DCC: variants seen among roughly 807,000 people sequenced by gnomAD.
DCC encodes netrin receptor DCC.
In DCC, 58 loss-of-function variants were observed where a neutral mutation model predicts 172.5. That is an observed-to-expected ratio of 0.34 (90% CI 0.27 to 0.42). The LOEUF is 0.42. DCC is among the 10% of genes least tolerant of loss of function. DCC has a pLI of 1.00. For missense variants in DCC, 1,740 were observed against 1,791.0 expected, an observed-to-expected ratio of 0.97 and a Z score of 0.51; for synonymous variants, 709 against 644.5, an observed-to-expected ratio of 1.10 and a Z score of -1.52.
intron 5 of DCC, among the ~76,000 whole-genome samples, chr18:53,056,983 A>C (rs895134310): frequency 2.6e-5 from 4 of 151,194 alleles, no homozygotes; most frequent in African/African-American, 9.7e-5. Flanking sequence ...AGAGAATACT[A>C]TATATATTAC....
intron 9 of DCC, among the ~76,000 whole-genome samples, chr18:53,198,558 G>A (rs149360151): frequency 3.2e-4 from 49 of 151,852 alleles, no homozygotes; most frequent in Middle Eastern, 6.8e-3. Context: ...TTTATATGCC[G>A]TTTATTGGGT....
intron 1 of DCC, among the ~76,000 whole-genome samples, chr18:52,674,479 T>C (rs932233390): frequency 3.3e-5 from 5 of 152,190 alleles, no homozygotes; most frequent in Non-Finnish European, 7.3e-5. Context: ...CCAATTCCAA[T>C]GTTAATCTCT....
intron 5 of DCC, among the ~76,000 whole-genome samples, chr18:53,018,873 T>A (rs1223791990): frequency 1.3e-5 from 2 of 152,186 alleles, no homozygotes; most frequent in African/African-American, 4.8e-5. Context: ...TCTTGTTTTA[T>A]ACCAAAATCA....
Position 53,205,228 on chromosome 18 carries a change from G to A in DCC, c.1586G>A (p.Gly529Glu). 6.2e-7 allele frequency: 1 copy of A among 1,612,876 alleles called. No individual in the cohort carries two copies. The highest frequency in any genetic ancestry group is 8.5e-7 in the Non-Finnish European group (1 of 1,179,150). Residue 529 changes from glycine to glutamate, a missense_variant, in exon 10 of 29, where the codon GGG (glycine) becomes GAG (glutamate). Transcript: ENST00000442544. ...VATQPELQVP[G>E]PVENLQAVST... ...TTTTTTTATACAGTGCAAGTTCCAG[G>A]GCCAGTAGAAAACCTGCAAGCTGTA... is the stretch of plus-strand genomic sequence containing the variant.
At chr18:52,446,513 C>G (rs1194206966) in intron 1 of DCC, among the ~76,000 whole-genome samples, 1 of 152,056 alleles carries the variant, frequency 6.6e-6, no homozygotes, top group African/African-American at 2.4e-5. Context: ...GTTTTTGACC[C>G]TTCTATATAA....
chr18:53,531,051 T>C lies in DCC; in HGVS notation c.*398T>C, dbSNP rs1008328386. Reference sequence around the variant, plus strand: ...AATGCAAGTGCATTATTTAAGCCTGTACCATGCCATGGCAAACCAGTGCAA... The same window carrying C: ...AATGCAAGTGCATTATTTAAGCCTGCACCATGCCATGGCAAACCAGTGCAA... On this transcript the variant is annotated 3_prime_UTR_variant, in exon 29 of 29. Coordinates refer to ENST00000442544, the MANE Select transcript of DCC (RefSeq NM_005215.4). 3.6e-6 allele frequency: 1 copy of C among 281,318 alleles called. No homozygotes were observed. Among genetic ancestry groups the C allele is most frequent in the Admixed American group, 4.4e-5 (1 of 22,622 alleles). 17.4% of individuals were successfully genotyped at this position (281,318 alleles called of 1,614,324 possible).
intron 14 of DCC, among the ~76,000 whole-genome samples, chr18:53,336,215 A>T (rs2057589635): frequency 6.6e-6 from 1 of 152,224 alleles, no homozygotes; most frequent in Admixed American, 6.5e-5. Flanking sequence ...ACTTCTGAGC[A>T]GCAAATTTCA....
intron 12 of DCC, among the ~76,000 whole-genome samples, chr18:53,257,546 A>G (rs2056536444): frequency 1.3e-5 from 2 of 152,216 alleles, no homozygotes; most frequent in Non-Finnish European, 2.9e-5. Context: ...CCAGCCTTGC[A>G]TCCCAGGGAT....
intron 2 of DCC, among the ~76,000 whole-genome samples, chr18:52,839,564 C>CTCTTCT (rs1212667411): frequency 6.6e-6 from 1 of 152,206 alleles, no homozygotes; most frequent in Non-Finnish European, 1.5e-5. Context: ...CCCACCAGCC[C>CTCTTCT]TCTTCTTGAC....
chr18:53,043,598 CCAAGAACTT>C (rs1470924102), intron 5 of DCC, among the ~76,000 whole-genome samples: 2 of 151,764 alleles, frequency 1.3e-5, no homozygotes, highest in East Asian at 3.9e-4. Context: ...TTTTAAACGG[CCAAGAACTT>C]CAGATCACTT....
chr18:53,168,299 G>A (rs1440075691), intron 8 of DCC, among the ~76,000 whole-genome samples: 1 of 151,978 alleles, frequency 6.6e-6, no homozygotes, highest in Non-Finnish European at 1.5e-5. Context: ...CAATAGCAAA[G>A]ACTTGGAACC....
At chr18:52,346,201 C>T (rs1983872232) in intron 1 of DCC, among the ~76,000 whole-genome samples, 1 of 152,036 alleles carries the variant, frequency 6.6e-6, no homozygotes, top group African/African-American at 2.4e-5. Context: ...AAAAAATGTG[C>T]AAGATAGAAT....
chr18:53,459,280 C>T lies in DCC; in HGVS notation c.3441C>T (p.Asp1147=), dbSNP rs1468870827. 1.2e-6 allele frequency: 2 copies of T among 1,614,000 alleles called. No homozygotes were observed. Among genetic ancestry groups the T allele is most frequent in the Non-Finnish European group, 8.5e-7 (1 of 1,180,022 alleles). The stretch of plus-strand genomic sequence containing the variant: ...GCAAAAGGAAGGGCAGCCAGAAGGA[C>T]CTCCGACCCCCTGATCTTTGGATCC... The part of the protein sequence containing the change: ...SAGKRKGSQK[D]LRPPDLWIHH... Residue 1147 remains aspartate, a synonymous_variant, in exon 24 of 29, where the codon GAC becomes GAT. Coordinates refer to ENST00000442544, the MANE Select transcript of DCC (RefSeq NM_005215.4).
At chr18:52,547,167 C>T (rs1273864671) in intron 1 of DCC, among the ~76,000 whole-genome samples, 1 of 152,174 alleles carries the variant, frequency 6.6e-6, no homozygotes, top group Non-Finnish European at 1.5e-5. Context: ...ATCTTCAAGT[C>T]TTATCCAAGA....
At chr18:52,763,154 C>T (rs1017678981) in intron 2 of DCC, among the ~76,000 whole-genome samples, 2 of 152,158 alleles carry the variant, frequency 1.3e-5, no homozygotes, top group African/African-American at 4.8e-5. Context: ...CATTGTAACC[C>T]TGAGGCTTTA....
intron 2 of DCC, among the ~76,000 whole-genome samples, chr18:52,867,763 G>T (rs2039250954): frequency 6.6e-6 from 1 of 151,990 alleles, no homozygotes; most frequent in Non-Finnish European, 1.5e-5. Context: ...GCTGACTTAT[G>T]ACCCTATAGC....
intron 7 of DCC, among the ~76,000 whole-genome samples, chr18:53,122,888 C>T (rs1181616776): frequency 6.6e-6 from 1 of 152,054 alleles, no homozygotes; most frequent in Non-Finnish European, 1.5e-5. Flanking sequence ...CATTTTATCT[C>T]CCTTTTGCAT....
intron 8 of DCC, among the ~76,000 whole-genome samples, chr18:53,174,915 C>T (rs1007525690): frequency 2.0e-5 from 3 of 152,172 alleles, no homozygotes; most frequent in East Asian, 3.8e-4. Flanking sequence ...AACATTGATG[C>T]AAAAATCCTC....
rs190669294 is a variant in DCC at position 52,421,464 on chromosome 18, A to G, written c.91+80586A>G. On this transcript the variant is annotated intron_variant, in intron 1 of 28. Coordinates refer to ENST00000442544, the MANE Select transcript of DCC (RefSeq NM_005215.4). ...ATGTGAGAACAGCAGAGATTCCCAG[A>G]CTCCAAGGGCTGAAAGTCCCTTTTG... 3.3e-5 allele frequency among the ~76,000 whole-genome samples: 5 copies of G among 152,170 alleles called. No homozygotes were observed. In the East Asian group the frequency reaches 5.8e-4, roughly 18 times the overall value.
Sources: gnomAD v4.1 joint callset for allele counts (sites outside exome capture counted in the v4.1 genomes callset) on GRCh38, gnomAD v4.1.1 for gene constraint, MANE v1.5 for transcripts, NCBI Gene and HGNC (gene_info 2026-07-23, HGNC 2026-07-21) for gene names.